The following CDYL variants were observed in gnomAD, a reference collection of about 807,000 sequenced individuals.
CDYL encodes chromodomain Y like, also known as chromodomain Y-like protein.
In CDYL, 8 loss-of-function variants were observed where a neutral mutation model predicts 47.3. That is an observed-to-expected ratio of 0.17 (90% CI 0.10 to 0.31). The LOEUF is 0.31. CDYL is among the 10% of genes least tolerant of loss of function. The probability of loss-of-function intolerance (pLI) is 1.00; values close to 1 mark genes in which losing one functional copy is unlikely to be tolerated. For missense variants in CDYL, 471 were observed against 701.4 expected (o/e 0.67, Z 3.71); for synonymous variants, 266 against 265.0 (o/e 1.00, Z -0.04).
At chr6:4,761,180 G>A (rs937302940) in intron 3 of CDYL, among the ~76,000 whole-genome samples, 6 of 152,036 alleles carry the variant, frequency 3.9e-5, no homozygotes, top group South Asian at 2.1e-4. Context: ...AGCTCTTGGC[G>A]GCAGATAAAG....
At chr6:4,752,742 T>C (rs1002522275) in intron 3 of CDYL, among the ~76,000 whole-genome samples, 1 of 152,128 alleles carries the variant, frequency 6.6e-6, no homozygotes, top group African/African-American at 2.4e-5. Context: ...ATGAGGATCT[T>C]ACAGACCCTG....
chr6:4,713,238 C>G (rs17345223), intron 1 of CDYL, among the ~76,000 whole-genome samples: 3,183 of 152,286 alleles, frequency 0.021, 45 homozygotes, highest in Middle Eastern at 0.075. Context: ...AATCTGCCTC[C>G]CTGGATCTCG....
intron 2 of CDYL, among the ~76,000 whole-genome samples, chr6:4,731,016 T>C (rs1054699265): frequency 1.3e-5 from 2 of 152,236 alleles, no homozygotes; most frequent in Non-Finnish European, 2.9e-5. Flanking sequence ...TCTTTGCATG[T>C]TTTCAACGTC....
chr6:4,776,118 C>G (rs1456972514), upstream of CDYL, among the ~76,000 whole-genome samples: 3 of 149,992 alleles, frequency 2.0e-5, no homozygotes, highest in Non-Finnish European at 4.5e-5. Flanking sequence ...AGGCCGACCC[C>G]GCAAGCGGGA....
At chr6:4,811,329 T>G (rs1759521257) in intron 1 of CDYL, among the ~76,000 whole-genome samples, 1 of 152,208 alleles carries the variant, frequency 6.6e-6, no homozygotes, top group Admixed American at 6.5e-5. Context: ...CTATTTTAAA[T>G]AAAAACAGAG....
intron 4 of CDYL, among the ~76,000 whole-genome samples, chr6:4,938,212 T>C (rs1056990266): frequency 1.3e-5 from 2 of 149,690 alleles, no homozygotes; most frequent in Non-Finnish European, 3.0e-5. Context: ...TGGAGAGTTT[T>C]GTTTTTTGGT....
intron 2 of CDYL, among the ~76,000 whole-genome samples, chr6:4,732,679 G>A (rs1757626957): frequency 6.6e-6 from 1 of 151,332 alleles, no homozygotes; most frequent in African/African-American, 2.4e-5. Context: ...AAAAAGAGGG[G>A]GGGATTGGGG....
At chr6:4,810,778 G>A (rs1426816021) in intron 1 of CDYL, among the ~76,000 whole-genome samples, 1 of 152,206 alleles carries the variant, frequency 6.6e-6, no homozygotes, top group Non-Finnish European at 1.5e-5. Context: ...GAAGGGACTA[G>A]CCAGGTCTCT....
In CDYL at chr6:4,891,942, G is replaced by T; in HGVS notation, c.254G>T (p.Arg85Ile). Reference protein sequence around the residue: ...SPNNARKQISRSTNSNFSKTS... With the variant: ...SPNNARKQISISTNSNFSKTS... ...AACAATGCTAGGAAACAAATCTCCAGATCCACCAACAGCAACTTTTCTAAG... is the reference window on the plus strand; with the variant it reads ...AACAATGCTAGGAAACAAATCTCCATATCCACCAACAGCAACTTTTCTAAG... Residue 85 changes from arginine (R) to isoleucine (I), a missense_variant, in exon 2 of 7, where the codon AGA (arginine) becomes ATA (isoleucine). Physicochemically the swap from Arg to Ile is moderately conservative, Grantham distance 97. Transcript: ENST00000397588. The T allele has an allele frequency of 6.2e-7, 1 of 1,614,098 alleles. No homozygotes were observed. The highest frequency in any genetic ancestry group is 8.5e-7 in the Non-Finnish European group (1 of 1,180,032).
chr6:4,831,671 G>A (rs1760148799), intron 1 of CDYL, among the ~76,000 whole-genome samples: 2 of 152,084 alleles, frequency 1.3e-5, no homozygotes, highest in Non-Finnish European at 2.9e-5. Context: ...ACCTTGGGCA[G>A]TGTGGCCATT....
At chr6:4,841,463 T>G (rs182939912) in intron 1 of CDYL, among the ~76,000 whole-genome samples, 2 of 152,258 alleles carry the variant, frequency 1.3e-5, no homozygotes, top group East Asian at 3.9e-4. Context: ...GTTTTTATGA[T>G]TCCTTGAGAT....
chr6:4,801,237 G>A (rs1295447179), intron 1 of CDYL, among the ~76,000 whole-genome samples: 1 of 152,130 alleles, frequency 6.6e-6, no homozygotes, highest in Non-Finnish European at 1.5e-5. Flanking sequence ...TCTCCCTTGA[G>A]ATTGCCATAT....
chr6:4,921,446 G>T (rs918797267), intron 2 of CDYL, among the ~76,000 whole-genome samples: 4 of 152,194 alleles, frequency 2.6e-5, no homozygotes, highest in African/African-American at 9.7e-5. Flanking sequence ...ACATATTGGG[G>T]AGTTACAACA....
At chr6:4,740,811 G>A (rs1757783713) in intron 3 of CDYL, among the ~76,000 whole-genome samples, 1 of 150,942 alleles carries the variant, frequency 6.6e-6, no homozygotes. Context: ...TTTTGAGATG[G>A]AGTCTTGCTC....
chr6:4,816,937 C>T (rs1759693590), intron 1 of CDYL, among the ~76,000 whole-genome samples: 1 of 152,162 alleles, frequency 6.6e-6, no homozygotes, highest in African/African-American at 2.4e-5. Context: ...GTTCCACTTG[C>T]CCCTCAAGGG....
intron 1 of CDYL, among the ~76,000 whole-genome samples, chr6:4,864,022 C>A (rs1225517909): frequency 6.6e-6 from 1 of 152,148 alleles, no homozygotes; most frequent in African/African-American, 2.4e-5. Context: ...ATGTTGAAGG[C>A]ACAGAGGGAG....
At chr6:4,794,799 C>T (rs549540476) in intron 1 of CDYL, among the ~76,000 whole-genome samples, 6 of 152,016 alleles carry the variant, frequency 3.9e-5, no homozygotes, top group Admixed American at 2.0e-4. Flanking sequence ...TTGTTGGTCT[C>T]GTTGATGGAA....
chr6:4,731,176 A>AT (rs1757599083), intron 2 of CDYL, among the ~76,000 whole-genome samples: 1 of 152,056 alleles, frequency 6.6e-6, no homozygotes, highest in South Asian at 2.1e-4. Context: ...GTACGATTGT[A>AT]TTTGTCTTTT....
intron 1 of CDYL, among the ~76,000 whole-genome samples, chr6:4,862,497 A>G (rs973818447): frequency 1.3e-5 from 2 of 152,180 alleles, no homozygotes; most frequent in African/African-American, 2.4e-5. Context: ...AAATATTGTG[A>G]TATTTATTAA....
Sources: gnomAD v4.1 joint callset for allele counts (sites outside exome capture counted in the v4.1 genomes callset) on GRCh38, gnomAD v4.1.1 for gene constraint, MANE v1.5 for transcripts, NCBI Gene and HGNC (gene_info 2026-07-23, HGNC 2026-07-21) for gene names.